Variants in NRG3 observed in about 807,000 individuals in gnomAD.
NRG3 encodes the protein neuregulin 3.
In NRG3, 31 loss-of-function variants were observed where a neutral mutation model predicts 66.9. That is an observed-to-expected ratio of 0.46 (90% CI 0.35 to 0.63). The LOEUF (loss-of-function observed/expected upper bound fraction) is 0.63, where lower values mean the gene tolerates loss of function less well. Ranked by LOEUF, NRG3 falls within the 20% of genes least tolerant of loss-of-function variation. NRG3 has a pLI of 0.00. For missense variants in NRG3, 910 were observed against 878.9 expected (o/e 1.04, Z -0.45); for synonymous variants, 393 against 359.4 (o/e 1.09, Z -1.06).
rs184236383 is a variant in NRG3 at position 82,963,542 on chromosome 10, C to A, written c.1284+4467C>A. On this transcript the variant is annotated intron_variant, in intron 6 of 8. Coordinates refer to ENST00000372141, the MANE Select transcript of NRG3 (RefSeq NM_001010848.4). Reference sequence around the variant, plus strand: ...AAAAGTTCAAAATATTAGCCTGGCGCGGTGGCTGACGCCTGTAGTCCCAGC... The same window carrying A: ...AAAAGTTCAAAATATTAGCCTGGCGAGGTGGCTGACGCCTGTAGTCCCAGC... 1.5e-3 allele frequency among the ~76,000 whole-genome samples: 226 copies of A among 152,150 alleles called. 2 individuals are homozygous for A. Among genetic ancestry groups the A allele is most frequent in the Non-Finnish European group, 1.0e-3 (70 of 67,998 alleles).
intron 6 of NRG3, among the ~76,000 whole-genome samples, chr10:82,973,483 C>G (rs1021866948): frequency 4.6e-5 from 7 of 152,162 alleles, no homozygotes; most frequent in Admixed American, 3.9e-4. Flanking sequence ...TTGTAAGTGC[C>G]TTTTGGCTGT....
chr10:82,249,569 A>G (rs911647281), intron 1 of NRG3, among the ~76,000 whole-genome samples: 3 of 152,214 alleles, frequency 2.0e-5, no homozygotes, highest in Non-Finnish European at 4.4e-5. Context: ...AGTGAGAAAG[A>G]AAAAATAAAT....
At chr10:82,355,546 G>C (rs1026577764) in intron 1 of NRG3, among the ~76,000 whole-genome samples, 1 of 152,168 alleles carries the variant, frequency 6.6e-6, no homozygotes, top group Non-Finnish European at 1.5e-5. Flanking sequence ...TTGTTTGGTT[G>C]TAAGTGATAG....
chr10:82,004,840 A>G (rs994881749), intron 1 of NRG3, among the ~76,000 whole-genome samples: 51 of 152,222 alleles, frequency 3.4e-4, no homozygotes, highest in African/African-American at 1.2e-3. Context: ...TGAGCCAAGG[A>G]GTCTTCAGAA....
intron 3 of NRG3, among the ~76,000 whole-genome samples, chr10:82,784,523 C>T (rs1345854042): frequency 6.6e-6 from 1 of 152,126 alleles, no homozygotes; most frequent in Non-Finnish European, 1.5e-5. Context: ...AAACAAACAA[C>T]CCCATCAAAA....
intron 1 of NRG3, among the ~76,000 whole-genome samples, chr10:82,215,197 C>T (rs1038447113): frequency 4.6e-5 from 7 of 152,076 alleles, no homozygotes; most frequent in African/African-American, 1.4e-4. Context: ...ATTTCTGGAA[C>T]GAATGCATTT....
intron 1 of NRG3, among the ~76,000 whole-genome samples, chr10:82,287,665 G>T (rs993322998): frequency 2.6e-5 from 4 of 152,198 alleles, no homozygotes; most frequent in South Asian, 2.1e-4. Flanking sequence ...TCTTATAAGA[G>T]AATTATTTTT....
At chr10:82,460,215 G>A (rs1239547063) in intron 2 of NRG3, among the ~76,000 whole-genome samples, 1 of 152,158 alleles carries the variant, frequency 6.6e-6, no homozygotes, top group East Asian at 1.9e-4. Context: ...TGGTACATTG[G>A]GTTATGGAAA....
At chr10:82,632,834 C>T (rs1052095716) in intron 2 of NRG3, among the ~76,000 whole-genome samples, 3 of 152,170 alleles carry the variant, frequency 2.0e-5, no homozygotes, top group Non-Finnish European at 2.9e-5. Context: ...ACCCCATTAA[C>T]TCAGCTCTTA....
intron 1 of NRG3, among the ~76,000 whole-genome samples, chr10:82,187,203 CAT>C (rs1484810428): frequency 3.9e-5 from 6 of 152,044 alleles, no homozygotes; most frequent in African/African-American, 1.4e-4. Flanking sequence ...TAATATGACA[CAT>C]GTGGACTAGA....
chr10:82,085,982 C>T (rs935849158), intron 1 of NRG3, among the ~76,000 whole-genome samples: 2 of 152,182 alleles, frequency 1.3e-5, no homozygotes, highest in Admixed American at 1.3e-4. Flanking sequence ...CACTGTTGCA[C>T]TGGGGATTAA....
chr10:82,233,766 T>C (rs776774192), intron 1 of NRG3, among the ~76,000 whole-genome samples: 3 of 152,150 alleles, frequency 2.0e-5, no homozygotes, highest in Non-Finnish European at 4.4e-5. Flanking sequence ...AACCATTGGC[T>C]TCTTTAATTC....
At chr10:82,234,575 C>T (rs1313820992) in intron 1 of NRG3, among the ~76,000 whole-genome samples, 1 of 152,024 alleles carries the variant, frequency 6.6e-6, no homozygotes, top group African/African-American at 2.4e-5. Context: ...CAGGACATAC[C>T]CAATAAATAA....
At chr10:82,116,762 A>G (rs2067747351) in intron 1 of NRG3, among the ~76,000 whole-genome samples, 1 of 152,114 alleles carries the variant, frequency 6.6e-6, no homozygotes, top group African/African-American at 2.4e-5. Context: ...CTTAGATTTG[A>G]AGAGAACCCC....
chr10:82,317,035 T>G (rs1276789185), intron 1 of NRG3, among the ~76,000 whole-genome samples: 1 of 152,088 alleles, frequency 6.6e-6, no homozygotes, highest in Non-Finnish European at 1.5e-5. Context: ...GACCTGTCAT[T>G]GTTGCCAGCT....
chr10:82,720,865 ATCTC>A (rs4034896), intron 2 of NRG3, among the ~76,000 whole-genome samples: 16,078 of 132,870 alleles, frequency 0.12, 2,079 homozygotes, highest in African/African-American at 0.33. Context: ...GATTAACTGA[ATCTC>A]TCTCTCTCTT....
At chr10:82,454,942 G>C (rs963736862) in intron 2 of NRG3, among the ~76,000 whole-genome samples, 9 of 152,152 alleles carry the variant, frequency 5.9e-5, no homozygotes, top group Admixed American at 2.0e-4. Flanking sequence ...CTGTGAGGTA[G>C]ATAATAATAT....
At chr10:81,952,521 T>C (rs1476784507) in intron 1 of NRG3, among the ~76,000 whole-genome samples, 1 of 152,044 alleles carries the variant, frequency 6.6e-6, no homozygotes, top group Non-Finnish European at 1.5e-5. Flanking sequence ...ATCTCCCTGC[T>C]TATGCAAGAC....
At chr10:82,527,156 A>C (rs1209816150) in intron 2 of NRG3, among the ~76,000 whole-genome samples, 1 of 152,100 alleles carries the variant, frequency 6.6e-6, no homozygotes, top group East Asian at 1.9e-4. Context: ...TGGATAAAAA[A>C]ACTGTATTGT....
Sources: gnomAD v4.1 joint callset for allele counts (sites outside exome capture counted in the v4.1 genomes callset) on GRCh38, gnomAD v4.1.1 for gene constraint, MANE v1.5 for transcripts, NCBI Gene and HGNC (gene_info 2026-07-23, HGNC 2026-07-21) for gene names.